Variants in MAP4K2 observed in about 807,000 individuals in gnomAD.
MAP4K2 encodes mitogen-activated protein kinase kinase kinase kinase 2, also known as B lymphocyte serine/threonine protein kinase.
MAP4K2 carries 85 observed loss-of-function variants against 125.3 expected under a neutral mutation model. The observed-to-expected ratio is 0.68, with a 90% CI of 0.57 to 0.81. The LOEUF is 0.81. Ranked by LOEUF, MAP4K2 falls within the 40% of genes least tolerant of loss-of-function variation. The pLI, the probability that MAP4K2 is intolerant of heterozygous loss-of-function variation, is 0.00. For synonymous variants in MAP4K2, 479 were observed against 445.1 expected (o/e 1.08, Z -0.96); for missense variants, 923 against 1,056.4 (o/e 0.87, Z 1.75).
Position 64,792,433 on chromosome 11 carries a change from G to C in MAP4K2, c.1752-11C>G, listed in dbSNP as rs201908432. 1.2e-5 allele frequency: 19 copies of C among 1,577,976 alleles called. No homozygotes were observed. Among genetic ancestry groups the C allele is most frequent in the Middle Eastern group, 3.3e-4 (2 of 6,018 alleles). On this transcript the variant is annotated splice_polypyrimidine_tract_variant and intron_variant, in intron 24 of 31. Transcript: ENST00000294066. ...GACAGAGCAAAGCGCCTGTAGGGGT[G>C]ATAACCAGGGCCTGTGTCTGGGATG...
Position 64,797,324 on chromosome 11 carries a change from C to A in MAP4K2, c.1227G>T (p.Gly409=), listed in dbSNP as rs753232269. The change falls in exon 18 of 32, where the codon GGG becomes GGT. Residue 409 remains glycine, a synonymous_variant. Coordinates refer to ENST00000294066, the MANE Select transcript of MAP4K2 (RefSeq NM_004579.5). ...CTGCTGGAGGGTCAGTGGGGAGTGG[C>A]CCTAGGAACGGGGCCCGCTTGATGG... ...MGTIKRAPFL[G]PLPTDPPAEE... The A allele has an allele frequency of 1.2e-6, 2 of 1,601,656 alleles. No individual in the cohort carries two copies. The highest frequency in any genetic ancestry group is 3.5e-5 in the Admixed American group (2 of 57,970).
At chr11:64,797,772 C>T (rs1299440603) in intron 15 of MAP4K2, 108 bp from the exon 16 acceptor site, 82 of 1,067,936 alleles carry the variant, frequency 7.7e-5, no homozygotes, top group East Asian at 2.6e-4. Context: ...GTGGCGCAAT[C>T]GCGGCTCACT....
At chr11:64,801,215 C>G in intron 7 of MAP4K2, 32 bp from the exon 8 acceptor site, 2 of 1,604,474 alleles carry the variant, frequency 1.2e-6, no homozygotes, top group Non-Finnish European at 1.7e-6. Context: ...CTCACCAGCC[C>G]TCTGGCTGCC....
rs373792375 is a variant in MAP4K2 at position 64,796,256 on chromosome 11, C to T, written c.1751+17G>A. 1.6e-5 allele frequency: 25 copies of T among 1,516,042 alleles called. No homozygotes were observed. Among genetic ancestry groups the T allele is most frequent in the Middle Eastern group, 3.6e-4 (2 of 5,584 alleles). 93.9% of individuals were successfully genotyped at this position (1,516,042 alleles called of 1,614,324 possible). ...GCCCCTCTGCCTCCCGCTCCCTGCA[C>T]GCCCAAGATCCCTGACCTGGGGATG... On this transcript the variant is annotated intron_variant, in intron 24 of 31. Transcript: ENST00000294066.
At position 64,795,886 on chromosome 11, in the gene MAP4K2, G is replaced by A. The variant is rs1197790; in HGVS notation, c.1751+387C>T. On this transcript the variant is annotated intron_variant, in intron 24 of 31. Transcript: ENST00000294066. ...GAATCCTTGAAAGCAAGGACTCATGGGAATCCTTGAAAGCAAGGACTTGCC... is the reference window on the plus strand; with the variant it reads ...GAATCCTTGAAAGCAAGGACTCATGAGAATCCTTGAAAGCAAGGACTTGCC... Among the ~76,000 whole-genome samples, 1,305 of 150,954 alleles carry A rather than the reference G, an allele frequency of 8.6e-3. 18 individuals are homozygous for A. The highest frequency in any genetic ancestry group is 0.029 in the African/African-American group (1,171 of 40,418).
At chr11:64,802,517 G>C in intron 3 of MAP4K2, 34 bp from the exon 4 acceptor site, 1 of 1,568,344 alleles carries the variant, frequency 6.4e-7, no homozygotes, top group Non-Finnish European at 8.6e-7. Context: ...GCACAAAGCA[G>C]GTCACATGGG....
chr11:64,796,647 T>A lies in MAP4K2; in HGVS notation c.1559A>T (p.Asp520Val), dbSNP rs1220561399. 6.2e-7 allele frequency: 1 copy of A among 1,613,984 alleles called. No homozygotes were observed. Among genetic ancestry groups the A allele is most frequent in the Admixed American group, 1.7e-5 (1 of 60,004 alleles). The change falls in exon 22 of 32, where the codon GAT becomes GTT. Residue 520 changes from aspartate to valine, a missense_variant. Asp to Val is a radical substitution (Grantham distance 152). Around this residue, in one of 2 missense-constraint regions of MAP4K2, gnomAD observed 833 missense variants for 911.4 expected, o/e 0.91. Transcript: ENST00000294066. Reference protein sequence around the residue: ...YTLNLHELHEDTLEKLISHRC... With the variant: ...YTLNLHELHEVTLEKLISHRC... ...GCCGGGCCTCACCTTCTCCAGCGTATCCTCATGCAGTTCATGCAGGTTGAG... is the reference window on the plus strand; with the variant it reads ...GCCGGGCCTCACCTTCTCCAGCGTAACCTCATGCAGTTCATGCAGGTTGAG...
rs751336050 is a variant in MAP4K2 at position 64,801,666 on chromosome 11, GCCT to G, written c.414+41_414+43del. 19 of 1,613,742 alleles carry G rather than the reference GCCT, an allele frequency of 1.2e-5. No individual in the cohort carries two copies. The Admixed American group carries it at 3.2e-4, about 27-fold the overall frequency. Reference sequence around the variant, plus strand: ...ACAATCCCATCTGGTGCCCCCGAGGGCCTCCTCCTCCCTCCCCAGGAGTGCCCC... The same window carrying G: ...ACAATCCCATCTGGTGCCCCCGAGGGCCTCCTCCCTCCCCAGGAGTGCCCC... On this transcript the variant is annotated intron_variant, in intron 6 of 31. Coordinates refer to ENST00000294066, the MANE Select transcript of MAP4K2 (RefSeq NM_004579.5).
In MAP4K2 at chr11:64,802,066, C is replaced by T. The variant is rs1490558337; in HGVS notation, c.366G>A (p.Lys122=). The T allele has an allele frequency of 6.2e-7, 1 of 1,612,322 alleles. No individual in the cohort carries two copies. The highest frequency in any genetic ancestry group is 1.7e-5 in the Admixed American group (1 of 59,964). The change falls in exon 5 of 32, where the codon AAG becomes AAA. Residue 122 remains lysine, a splice_region_variant and synonymous_variant. Transcript: ENST00000294066. ...GTGGGCACCTCACAGGCCCAGCTAC[C>T]TTCAGTGCCTCTCGGCAGACGTAGG... ...QIAYVCREAL[K]GLHHLHSQGK...
At position 64,796,802 on chromosome 11, in the gene MAP4K2, C is replaced by A. The variant is rs766275495; in HGVS notation, c.1492+7G>T. 2.5e-6 allele frequency: 4 copies of A among 1,613,658 alleles called. No homozygotes were observed. Among genetic ancestry groups the A allele is most frequent in the Non-Finnish European group, 2.5e-6 (3 of 1,180,054 alleles). ...TGGGCTCCCGCTTCCTCCCTGCCCCCACCTACCCCGAGTAACAGGGTGAAT... is the reference window on the plus strand; with the variant it reads ...TGGGCTCCCGCTTCCTCCCTGCCCCAACCTACCCCGAGTAACAGGGTGAAT... On this transcript the variant is annotated splice_region_variant and intron_variant, in intron 21 of 31. Coordinates refer to ENST00000294066, the MANE Select transcript of MAP4K2 (RefSeq NM_004579.5).
chr11:64,801,808 TC>T, intron 5 of MAP4K2, 51 bp from the exon 6 acceptor site: 1 of 1,594,570 alleles, frequency 6.3e-7, no homozygotes. Flanking sequence ...CTGTCCCACC[TC>T]CCCAAACCCC....
chr11:64,800,237 G>A (rs1941079712), intron 11 of MAP4K2, 21 bp from the exon 12 acceptor site: 2 of 1,611,220 alleles, frequency 1.2e-6, no homozygotes, highest in Non-Finnish European at 1.7e-6. Context: ...GGGGAGGGGG[G>A]TGATCAGGTT....
intron 7 of MAP4K2, 148 bp downstream of exon 7, chr11:64,801,431 G>T (rs576519218): frequency 2.1e-6 from 2 of 964,950 alleles, no homozygotes; most frequent in East Asian, 2.6e-5. Flanking sequence ...TTTTCCAGCA[G>T]GGAGGGAGTA....
At chr11:64,803,008 CG>C in intron 1 of MAP4K2, 45 bp downstream of exon 1, 1 of 1,576,420 alleles carries the variant, frequency 6.3e-7, no homozygotes. Context: ...CCGCGGGGTG[CG>C]GGGCTGGCAC....
chr11:64,789,432 G>T lies in MAP4K2; in HGVS notation c.*105C>A. ...ACTTCTGACCTTCAGCCCCAGCAGGGCCAGGGCCTGGGCTCCTCTGGTCTA... is the reference window on the plus strand; with the variant it reads ...ACTTCTGACCTTCAGCCCCAGCAGGTCCAGGGCCTGGGCTCCTCTGGTCTA... On this transcript the variant is annotated 3_prime_UTR_variant, in exon 32 of 32. Coordinates refer to ENST00000294066, the MANE Select transcript of MAP4K2 (RefSeq NM_004579.5). 9.8e-7 allele frequency: 1 copy of T among 1,015,310 alleles called. No homozygotes were observed. Among genetic ancestry groups the T allele is most frequent in the Non-Finnish European group, 1.5e-6 (1 of 672,804 alleles). The allele number at this position is 1,015,310 out of a possible 1,614,324, so 62.9% of individuals were successfully genotyped here.
chr11:64,799,283 G>C, intron 14 of MAP4K2, 138 bp downstream of exon 14: 6 of 1,016,648 alleles, frequency 5.9e-6, no homozygotes, highest in Non-Finnish European at 8.8e-6. Context: ...GGTAGGACAG[G>C]CTTGCTTGGA....
intron 15 of MAP4K2, among the ~76,000 whole-genome samples, chr11:64,797,941 G>C (rs1940927774): frequency 6.6e-6 from 1 of 150,978 alleles, no homozygotes; most frequent in Non-Finnish European, 1.5e-5. Flanking sequence ...TCCTGCCCTT[G>C]TGATCCGCCC....
Position 64,800,333 on chromosome 11 carries a change from G to C in MAP4K2, c.785C>G (p.Pro262Arg), listed in dbSNP as rs150751565. Residue 262 changes from proline to arginine, a missense_variant, in exon 11 of 32, where the codon CCG becomes CGG. Physicochemically the swap from Pro to Arg is moderately radical, Grantham distance 103 (BLOSUM62 -2). Around this residue, in one of 2 missense-constraint regions of MAP4K2, gnomAD observed 833 missense variants for 911.4 expected, o/e 0.91. Transcript: ENST00000294066. ...LALTKNPKKR[P>R]TAEKLLQHPF... is the part of the protein sequence containing the mutation. ...CACCTGCAGGAGCTTCTCTGCTGTC[G>C]GCCTCTTCTTAGGATTCTTGGTCAG... 5.9e-4 allele frequency: 945 copies of C among 1,614,064 alleles called. 8 individuals are homozygous for C. Among genetic ancestry groups the C allele is most frequent in the Non-Finnish European group, 1.4e-4 (163 of 1,180,016 alleles).
rs1447212700 is a variant in MAP4K2 at position 64,801,070 on chromosome 11, G to A, written c.531-39C>T. 4.3e-6 allele frequency: 7 copies of A among 1,613,684 alleles called. No individual in the cohort carries two copies. The East Asian group carries it at 1.6e-4, about 36-fold the overall frequency. On this transcript the variant is annotated intron_variant, in intron 8 of 31. Coordinates refer to ENST00000294066, the MANE Select transcript of MAP4K2 (RefSeq NM_004579.5). ...CACAGATGGGATGGCCGGGTGCCCTGCTCTGTGGCCCCTACCCCTCCGCCC... is the reference window on the plus strand; with the variant it reads ...CACAGATGGGATGGCCGGGTGCCCTACTCTGTGGCCCCTACCCCTCCGCCC...
Sources: allele counts gnomAD v4.1 joint callset (sites outside exome capture counted in the v4.1 genomes callset), GRCh38; gene constraint gnomAD v4.1.1; regional missense constraint gnomAD v4.1.1; transcripts MANE v1.5; gene names NCBI Gene and HGNC (gene_info 2026-07-23, HGNC 2026-07-21).